The following GABBR2 variants were observed in gnomAD, a reference collection of about 807,000 sequenced individuals.
GABBR2 encodes gamma-aminobutyric acid type B receptor subunit 2.
A neutral mutation model predicts 105.6 loss-of-function variants in GABBR2; 23 were observed. That is an observed-to-expected ratio of 0.22 (90% CI 0.16 to 0.31). GABBR2 has a LOEUF of 0.31. GABBR2 is among the 10% of genes least tolerant of loss of function. GABBR2 has a pLI of 1.00. For synonymous variants in GABBR2, 478 were observed against 499.7 expected (o/e 0.96, Z 0.58); for missense variants, 734 against 1,245.5 (o/e 0.59, Z 6.18).
chr9:98,555,677 C>T (rs1002735203), intron 2 of GABBR2: 4 of 152,230 alleles, frequency 2.6e-5, no homozygotes, highest in African/African-American at 7.2e-5. Context: ...CATGTCTCCT[C>T]ATGTCAATAT....
In GABBR2 at chr9:98,612,480, T is replaced by C. The variant is rs556989287; in HGVS notation, c.322-34408A>G. 5.3e-5 allele frequency among the ~76,000 whole-genome samples: 8 copies of C among 152,330 alleles called. No homozygotes were observed. In the East Asian group the frequency reaches 1.5e-3, roughly 29 times the overall value. ...ACCCAGAGAGTCTGCACTTTTGTTC[T>C]CACTATCACAGTTATGTACATTCTA... is the stretch of plus-strand genomic sequence containing the variant. On this transcript the variant is annotated intron_variant, in intron 1 of 18. Coordinates refer to ENST00000259455, the MANE Select transcript of GABBR2 (RefSeq NM_005458.8).
At chr9:98,359,188 G>C (rs1322829366) in intron 13 of GABBR2, among the ~76,000 whole-genome samples, 1 of 152,190 alleles carries the variant, frequency 6.6e-6, no homozygotes, top group Non-Finnish European at 1.5e-5. Flanking sequence ...AGCACTTTGG[G>C]AGGCTGAGGC....
chr9:98,582,510 T>C (rs1409969507), intron 1 of GABBR2, among the ~76,000 whole-genome samples: 1 of 152,242 alleles, frequency 6.6e-6, no homozygotes, highest in East Asian at 1.9e-4. Flanking sequence ...GTGTCCAGAC[T>C]TCTGGCATAG....
At chr9:98,647,983 T>A (rs1302049519) in intron 1 of GABBR2, among the ~76,000 whole-genome samples, 1 of 151,252 alleles carries the variant, frequency 6.6e-6, no homozygotes, top group East Asian at 1.9e-4. Context: ...TCCAAATAAA[T>A]TGACAGCAAA....
chr9:98,404,073 A>T (rs562247132), intron 8 of GABBR2, among the ~76,000 whole-genome samples: 1 of 152,294 alleles, frequency 6.6e-6, no homozygotes, highest in Non-Finnish European at 1.5e-5. Flanking sequence ...ATGAAAAAAA[A>T]AAGGCAATAC....
At chr9:98,356,509 A>G (rs1414017009) in intron 13 of GABBR2, among the ~76,000 whole-genome samples, 1 of 152,236 alleles carries the variant, frequency 6.6e-6, no homozygotes, top group African/African-American at 2.4e-5. Flanking sequence ...CACTGACGAC[A>G]CCAAATGCAG....
chr9:98,570,944 C>T (rs545537614), intron 2 of GABBR2, among the ~76,000 whole-genome samples: 1 of 152,326 alleles, frequency 6.6e-6, no homozygotes, highest in African/African-American at 2.4e-5. Context: ...AAGGCAGGCA[C>T]CTGGCTCTCC....
intron 1 of GABBR2, among the ~76,000 whole-genome samples, chr9:98,691,530 C>T (rs1830682565): frequency 6.6e-6 from 1 of 152,238 alleles, no homozygotes; most frequent in Admixed American, 6.5e-5. Context: ...TCTTTGCCGA[C>T]AGCAAGGCTA....
chr9:98,358,671 G>C (rs1831530026), intron 13 of GABBR2, among the ~76,000 whole-genome samples: 1 of 152,192 alleles, frequency 6.6e-6, no homozygotes, highest in African/African-American at 2.4e-5. Context: ...AGTGAGGCTG[G>C]AATCACTTTG....
Position 98,303,250 on chromosome 9 carries a change from C to T in GABBR2, c.2403G>A (p.Lys801=), listed in dbSNP as rs754270888. The T allele has an allele frequency of 5.0e-6, 8 of 1,614,046 alleles. No homozygotes were observed. The South Asian group carries it at 7.7e-5, about 16-fold the overall frequency. ...ATGCAGAGGGAGGTACCTCTGTGAT[C>T]TTCATTCGCAGGCGATGGTTTTCTG... ...LQSENHRLRM[K]ITELDKDLEE... The change falls in exon 16 of 19, where the codon AAG becomes AAA. Residue 801 remains lysine (K), a synonymous_variant. Transcript: ENST00000259455.
At chr9:98,509,022 T>A (rs1460946421) in intron 3 of GABBR2, among the ~76,000 whole-genome samples, 1 of 152,132 alleles carries the variant, frequency 6.6e-6, no homozygotes, top group Non-Finnish European at 1.5e-5. Context: ...CACACCCCAG[T>A]AGGGGCAGAC....
At chr9:98,514,037 A>G (rs1827707554) in intron 3 of GABBR2, among the ~76,000 whole-genome samples, 1 of 151,756 alleles carries the variant, frequency 6.6e-6, no homozygotes, top group Non-Finnish European at 1.5e-5. Context: ...GGATTAAGAA[A>G]ATGTGGCACA....
intron 13 of GABBR2, among the ~76,000 whole-genome samples, chr9:98,361,376 C>T: frequency 8.6e-6 from 1 of 115,790 alleles, no homozygotes. Flanking sequence ...ATCATCATCG[C>T]TCTTATCATC....
intron 2 of GABBR2, among the ~76,000 whole-genome samples, chr9:98,570,762 C>G (rs1303106901): frequency 2.0e-5 from 3 of 152,166 alleles, no homozygotes; most frequent in Non-Finnish European, 4.4e-5. Context: ...AACCAGGGGG[C>G]GGGGGTTCCT....
intron 2 of GABBR2, among the ~76,000 whole-genome samples, chr9:98,575,743 G>C (rs1564119180): frequency 6.6e-6 from 1 of 152,194 alleles, no homozygotes; most frequent in African/African-American, 2.4e-5. Flanking sequence ...CTGGCTTTCA[G>C]GTGTGTGGTT....
chr9:98,616,067 T>C (rs1476268602), intron 1 of GABBR2, among the ~76,000 whole-genome samples: 1 of 152,356 alleles, frequency 6.6e-6, no homozygotes, highest in Non-Finnish European at 1.5e-5. Flanking sequence ...TTCCATCTTA[T>C]AGATAAGGAA....
At chr9:98,528,968 C>T (rs1828013795) in intron 3 of GABBR2, among the ~76,000 whole-genome samples, 1 of 152,102 alleles carries the variant, frequency 6.6e-6, no homozygotes. Context: ...GAGTTTACTG[C>T]ATTATTTATA....
intron 2 of GABBR2, among the ~76,000 whole-genome samples, chr9:98,566,927 C>T (rs1828759789): frequency 6.6e-6 from 1 of 152,036 alleles, no homozygotes; most frequent in Non-Finnish European, 1.5e-5. Context: ...TTCTATCTCT[C>T]ATCCCAACCT....
At chr9:98,595,221 G>C (rs1248542888) in intron 1 of GABBR2, among the ~76,000 whole-genome samples, 4 of 152,086 alleles carry the variant, frequency 2.6e-5, no homozygotes, top group African/African-American at 4.8e-5. Flanking sequence ...GTCCTCACAT[G>C]GTGGGAGGGG....
Sources: allele counts gnomAD v4.1 joint callset (sites outside exome capture counted in the v4.1 genomes callset), GRCh38; gene constraint gnomAD v4.1.1; transcripts MANE v1.5; gene names NCBI Gene and HGNC (gene_info 2026-07-23, HGNC 2026-07-21).